BANK1: variants seen among roughly 807,000 people sequenced by gnomAD.
BANK1 encodes the protein B-cell scaffold protein with ankyrin repeats.
In BANK1, 95 loss-of-function variants were observed where a neutral mutation model predicts 94.5. That is an observed-to-expected ratio of 1.00 (90% CI 0.85 to 1.19). The LOEUF (loss-of-function observed/expected upper bound fraction) is 1.19. Among genes scored for constraint, BANK1 ranks in the 50% most tolerant of loss-of-function variants. The pLI is 0.00. For missense variants in BANK1, 987 were observed against 932.2 expected (o/e 1.06, Z -0.77); for synonymous variants, 334 against 308.4 (o/e 1.08, Z -0.87).
intron 14 of BANK1, among the ~76,000 whole-genome samples, chr4:102,071,970 A>C (rs186381869): frequency 4.6e-5 from 7 of 152,298 alleles, no homozygotes; most frequent in African/African-American, 1.7e-4. Flanking sequence ...AGTCTAGGAG[A>C]GCAGGGAGTA....
intron 2 of BANK1, among the ~76,000 whole-genome samples, chr4:101,839,936 AATTTTTTTTTTTTTTTTT>A (rs1726968865): frequency 3.8e-5 from 3 of 78,974 alleles, no homozygotes; most frequent in Non-Finnish European, 5.3e-5. Context: ...TCAAATATTT[AATTTTTTTTTTTTTTTTT>A]TTTTTTTTTT....
At chr4:102,003,708 G>C (rs1726152343) in intron 7 of BANK1, among the ~76,000 whole-genome samples, 1 of 152,092 alleles carries the variant, frequency 6.6e-6, no homozygotes, top group South Asian at 2.1e-4. Flanking sequence ...CTATTGGTGG[G>C]AAGTAGCAAG....
At chr4:101,873,101 A>G (rs899920727) in intron 5 of BANK1, among the ~76,000 whole-genome samples, 2 of 141,524 alleles carry the variant, frequency 1.4e-5, no homozygotes, top group African/African-American at 5.6e-5. Context: ...TGTTTCTTTC[A>G]TGGGCTACTC....
intron 4 of BANK1, among the ~76,000 whole-genome samples, chr4:101,869,148 A>C (rs894130683): frequency 6.6e-6 from 1 of 151,918 alleles, no homozygotes; most frequent in Admixed American, 6.6e-5. Flanking sequence ...TCTTTCAAAA[A>C]GTTAACTCCC....
At chr4:101,844,586 G>A (rs1252615876) in intron 2 of BANK1, among the ~76,000 whole-genome samples, 1 of 152,212 alleles carries the variant, frequency 6.6e-6, no homozygotes, top group Non-Finnish European at 1.5e-5. Flanking sequence ...GTGACCAAGA[G>A]CAGAGGGTTT....
At chr4:101,843,371 A>T (rs1217153126) in intron 2 of BANK1, among the ~76,000 whole-genome samples, 1 of 152,024 alleles carries the variant, frequency 6.6e-6, no homozygotes, top group Non-Finnish European at 1.5e-5. Flanking sequence ...ATACCAAATT[A>T]CTCTGCTCAA....
intron 2 of BANK1, among the ~76,000 whole-genome samples, chr4:101,847,993 G>A (rs1045257487): frequency 6.6e-6 from 1 of 152,110 alleles, no homozygotes; most frequent in Non-Finnish European, 1.5e-5. Context: ...TGGCGCCAGC[G>A]AGGAATGGCT....
chr4:102,005,271 TTC>T (rs1203717085), intron 7 of BANK1, among the ~76,000 whole-genome samples: 3 of 152,134 alleles, frequency 2.0e-5, no homozygotes, highest in African/African-American at 7.2e-5. Context: ...CTTAATTTTT[TTC>T]TGTTATCAAC....
intron 2 of BANK1, among the ~76,000 whole-genome samples, chr4:101,843,293 CT>C (rs999235708): frequency 2.0e-5 from 3 of 152,100 alleles, no homozygotes; most frequent in Non-Finnish European, 4.4e-5. Context: ...AAATATTCCA[CT>C]ATATTAATCT....
intron 9 of BANK1, 97 bp from the exon 10 acceptor site, chr4:102,029,863 C>A: frequency 8.3e-7 from 1 of 1,203,138 alleles, no homozygotes; most frequent in Non-Finnish European, 1.2e-6. Context: ...CGGCACTTGA[C>A]TAAGCCACCT....
At chr4:101,989,542 G>A (rs552920467) in intron 7 of BANK1, among the ~76,000 whole-genome samples, 1 of 145,436 alleles carries the variant, frequency 6.9e-6, no homozygotes, top group African/African-American at 2.5e-5. Flanking sequence ...TTTCAATTTT[G>A]TCAATTCCTG....
At position 102,030,081 on chromosome 4, in the gene BANK1, G is replaced by A. The variant is rs1350915204; in HGVS notation, c.1716G>A (p.Glu572=). 1.9e-5 allele frequency: 30 copies of A among 1,613,850 alleles called. No individual in the cohort carries two copies. Among genetic ancestry groups the A allele is most frequent in the Non-Finnish European group, 2.5e-5 (29 of 1,179,946 alleles). ...KEKKEEEKEQ[E]EEEDPYTFAE... is the part of the protein sequence containing the mutation. ...AGAAAGAAGAGGAAAAAGAGCAGGAGGAGGAAGAAGACCCATATACTTTTG... is the reference window on the plus strand; with the variant it reads ...AGAAAGAAGAGGAAAAAGAGCAGGAAGAGGAAGAAGACCCATATACTTTTG... The change falls in exon 10 of 17, where the codon GAG becomes GAA. Residue 572 remains glutamate, a synonymous_variant. Transcript: ENST00000322953.
intron 1 of BANK1, among the ~76,000 whole-genome samples, chr4:101,811,931 G>C (rs147808591): frequency 4.0e-5 from 6 of 151,820 alleles, no homozygotes; most frequent in African/African-American, 1.4e-4. Context: ...CAGGAATTGG[G>C]CTTTATAATC....
Position 101,790,819 on chromosome 4 carries a change from G to A in BANK1, c.-62G>A. On this transcript the variant is annotated 5_prime_UTR_variant, in exon 1 of 17. Transcript: ENST00000322953. ...GAAAATCGCGGGGAGTCTCTGGCCG[G>A]GAGAGTCCAGGTAGCGCTCGGCGGG... 1 of 1,490,320 alleles carries A rather than the reference G, an allele frequency of 6.7e-7. No homozygotes were observed. The highest frequency in any genetic ancestry group is 9.0e-7 in the Non-Finnish European group (1 of 1,105,052). 92.3% of individuals were successfully genotyped at this position (1,490,320 alleles called of 1,614,324 possible).
At chr4:101,835,081 G>A (rs145944680) in intron 2 of BANK1, among the ~76,000 whole-genome samples, 3 of 152,130 alleles carry the variant, frequency 2.0e-5, no homozygotes, top group Non-Finnish European at 2.9e-5. Context: ...TTTTATAATC[G>A]TTTGTATGAC....
At chr4:102,032,083 A>G (rs1727338695) in intron 10 of BANK1, 1 of 152,228 alleles carries the variant, frequency 6.6e-6, no homozygotes, top group Admixed American at 6.5e-5. Context: ...TCATAGTTTA[A>G]TATCTCTAGG....
intron 7 of BANK1, among the ~76,000 whole-genome samples, chr4:101,938,453 G>C (rs954248683): frequency 1.8e-4 from 28 of 151,470 alleles, no homozygotes; most frequent in African/African-American, 6.3e-4. Flanking sequence ...AGTATAACTG[G>C]AATGTTTATA....
chr4:101,874,859 A>C (rs982112601), intron 5 of BANK1, among the ~76,000 whole-genome samples: 1 of 152,174 alleles, frequency 6.6e-6, no homozygotes, highest in Non-Finnish European at 1.5e-5. Flanking sequence ...ACAAGGGGGC[A>C]ACTAATATTT....
intron 2 of BANK1, among the ~76,000 whole-genome samples, chr4:101,840,258 G>A (rs545284556): frequency 1.4e-4 from 22 of 152,074 alleles, no homozygotes; most frequent in Middle Eastern, 3.4e-3. Context: ...GTGAGCCACC[G>A]CGCCCGGCCA....
Sources: allele counts gnomAD v4.1 joint callset (sites outside exome capture counted in the v4.1 genomes callset), GRCh38; gene constraint gnomAD v4.1.1; transcripts MANE v1.5; gene names NCBI Gene and HGNC (gene_info 2026-07-23, HGNC 2026-07-21).